CRLS1: variants seen among roughly 807,000 people sequenced by gnomAD.
CRLS1 encodes the protein cardiolipin synthase (CMP-forming).
Under a neutral mutation model 37.0 loss-of-function variants are expected in CRLS1, and 24 were observed. The ratio of observed to expected loss-of-function variants is 0.65; its 90% confidence interval spans 0.47 to 0.91. CRLS1 has a LOEUF of 0.91. Among genes scored for constraint, CRLS1 ranks in the 40% least tolerant of loss-of-function variants. CRLS1 has a pLI of 0.00. For synonymous variants in CRLS1, 135 were observed against 159.7 expected, an observed-to-expected ratio of 0.85 and a Z score of 1.17; for missense variants, 373 against 395.8, an observed-to-expected ratio of 0.94 and a Z score of 0.49.
At chr20:6,016,451 G>T (rs893802149) in intron 3 of CRLS1, among the ~76,000 whole-genome samples, 2 of 107,526 alleles carry the variant, frequency 1.9e-5, no homozygotes, top group Admixed American at 1.7e-4. Context: ...ATTGGGGAAT[G>T]GGGGTGTGTG....
At chr20:6,029,896 T>C (rs1980015985) in intron 3 of CRLS1, among the ~76,000 whole-genome samples, 1 of 152,214 alleles carries the variant, frequency 6.6e-6, no homozygotes, top group East Asian at 1.9e-4. Context: ...ACATCATAGC[T>C]ATAACAGCAG....
intron 6 of CRLS1, among the ~76,000 whole-genome samples, chr20:6,035,894 A>G (rs983791172): frequency 7.0e-6 from 1 of 142,822 alleles, no homozygotes; most frequent in African/African-American, 2.6e-5. Context: ...AACCTCTACC[A>G]CCCGGGTTCA....
rs41282950 is a variant in CRLS1, at chr20:6,031,288, C to T, written c.578C>T (p.Pro193Leu). The change falls in exon 4 of 7, where the codon CCA becomes CTA. Residue 193 changes from proline (P) to leucine (L), a missense_variant. Pro to Leu is a moderately conservative substitution (Grantham distance 98). Coordinates refer to ENST00000378863, the MANE Select transcript of CRLS1 (RefSeq NM_019095.6). ...SLTYADLIPVPLTYMIISRDV... is the reference protein window; with the variant it reads ...SLTYADLIPVLLTYMIISRDV... Reference sequence around the variant, plus strand: ...TTATTTTATGTTTGATTTTCAGTTCCACTTACTTACATGATCATTTCGAGA... The same window carrying T: ...TTATTTTATGTTTGATTTTCAGTTCTACTTACTTACATGATCATTTCGAGA... 171,223 of 1,594,306 alleles carry T rather than the reference C, an allele frequency of 0.11. 10,415 individuals are homozygous for T. Among genetic ancestry groups the T allele is most frequent in the Middle Eastern group, 0.22 (1,314 of 5,990 alleles).
chr20:6,026,584 G>A (rs908034053), intron 3 of CRLS1, among the ~76,000 whole-genome samples: 6 of 151,672 alleles, frequency 4.0e-5, no homozygotes, highest in Non-Finnish European at 8.8e-5. Context: ...TGTTTGTTTC[G>A]GCCTCTCTTT....
chr20:6,011,506 C>G (rs142649703), intron 2 of CRLS1, among the ~76,000 whole-genome samples: 1 of 144,910 alleles, frequency 6.9e-6, no homozygotes, highest in Non-Finnish European at 1.5e-5. Flanking sequence ...CAGAGTTTAG[C>G]GTCTACTAAT....
At chr20:6,024,834 A>C (rs1979549164) in intron 3 of CRLS1, among the ~76,000 whole-genome samples, 1 of 152,220 alleles carries the variant, frequency 6.6e-6, no homozygotes, top group Non-Finnish European at 1.5e-5. Flanking sequence ...TGAATAGAAG[A>C]TCACGTCAGC....
intron 3 of CRLS1, among the ~76,000 whole-genome samples, chr20:6,022,439 A>T (rs1433240303): frequency 1.3e-5 from 2 of 150,810 alleles, no homozygotes; most frequent in African/African-American, 4.9e-5. Flanking sequence ...CCCGGGCTCA[A>T]GCAGTCCTCC....
At chr20:6,027,344 CAA>C (rs1979795471) in intron 3 of CRLS1, among the ~76,000 whole-genome samples, 1 of 152,024 alleles carries the variant, frequency 6.6e-6, no homozygotes, top group African/African-American at 2.4e-5. Context: ...CTCGGCCTCC[CAA>C]AGTGCTGGGA....
At chr20:6,024,433 A>G (rs1346744008) in intron 3 of CRLS1, among the ~76,000 whole-genome samples, 1 of 152,190 alleles carries the variant, frequency 6.6e-6, no homozygotes, top group Non-Finnish European at 1.5e-5. Context: ...CCTGTTAATC[A>G]AGAGTGAACT....
chr20:6,018,317 C>G (rs1600364794), intron 3 of CRLS1, among the ~76,000 whole-genome samples: 1 of 151,388 alleles, frequency 6.6e-6, no homozygotes, highest in African/African-American at 2.4e-5. Context: ...GCGAAACTTG[C>G]TAACTTGTAT....
intron 3 of CRLS1, among the ~76,000 whole-genome samples, chr20:6,023,637 T>TG (rs111646792): frequency 0.028 from 2,155 of 76,476 alleles, 59 homozygotes; most frequent in African/African-American, 0.12. Flanking sequence ...TAAAAATCTT[T>TG]GTTTTTTTTT....
intron 3 of CRLS1, 43 bp downstream of exon 3, chr20:6,015,533 A>G (rs745605369): frequency 4.1e-5 from 65 of 1,590,482 alleles, no homozygotes; most frequent in Non-Finnish European, 5.3e-5. Context: ...ACAGGGAAGA[A>G]TGACATTAGT....
intron 1 of CRLS1, among the ~76,000 whole-genome samples, chr20:6,008,339 G>GT (rs2090087716): frequency 6.6e-6 from 1 of 152,154 alleles, no homozygotes; most frequent in Non-Finnish European, 1.5e-5. Context: ...AGGGAAAGGC[G>GT]TTTTCTTGTT....
At position 6,009,883 on chromosome 20, in the gene CRLS1, G is replaced by C. The variant is rs773004598; in HGVS notation, c.415G>C (p.Val139Leu). The change falls in exon 2 of 7, where the codon GTT becomes CTT. Residue 139 changes from valine to leucine, a missense_variant. Coordinates refer to ENST00000378863, the MANE Select transcript of CRLS1 (RefSeq NM_019095.6). ...IEEDFNIALGVFALAGLTDLL... is the reference protein window; with the variant it reads ...IEEDFNIALGLFALAGLTDLL... ...AGAAGATTTTAATATTGCACTAGGA[G>C]TTTTTGCTTTAGCTGGACTAACAGA... 8.7e-6 allele frequency: 14 copies of C among 1,613,786 alleles called. No homozygotes were observed. The Admixed American group carries it at 1.7e-4, about 19-fold the overall frequency.
In CRLS1 at chr20:6,037,847, C is replaced by T. The variant is rs577668623; in HGVS notation, c.*689C>T. On this transcript the variant is annotated 3_prime_UTR_variant, in exon 7 of 7. Transcript: ENST00000378863. ...GAGATAGGAGAACGTGTCTATTAGT[C>T]TTTGCATCTAAAAGGCAGTGAGTTA... The T allele has an allele frequency of 6.6e-6, 1 of 152,286 alleles. No homozygotes were observed. Among genetic ancestry groups the T allele is most frequent in the East Asian group, 1.9e-4 (1 of 5,182 alleles). 9.4% of individuals were successfully genotyped at this position (152,286 alleles called of 1,614,324 possible).
chr20:6,027,684 G>A (rs1191006829), intron 3 of CRLS1, among the ~76,000 whole-genome samples: 1 of 152,120 alleles, frequency 6.6e-6, no homozygotes, highest in Admixed American at 6.5e-5. Context: ...CAAAGTGCTG[G>A]GATTACAGGT....
In CRLS1 at chr20:6,006,461, CG is replaced by C; in HGVS notation, c.219del (p.Lys74ArgfsTer42). ...GIGQRNHCSG[A>X]GKAAPRPAAG... ...GGCCAGCGGAACCACTGTTCGGGCG[CG>C]GGGAAGGCGGCTCCCAGGCCAGCGG... On this transcript the variant is annotated frameshift_variant, in exon 1 of 7. Transcript: ENST00000378863. 1 of 1,402,392 alleles carries C rather than the reference CG, an allele frequency of 7.1e-7. No individual in the cohort carries two copies. Among genetic ancestry groups the C allele is most frequent in the South Asian group, 1.5e-5 (1 of 65,264 alleles). The allele number at this position is 1,402,392 out of a possible 1,614,324, so 86.9% of individuals were successfully genotyped here.
At chr20:6,027,999 A>C (rs950347364) in intron 3 of CRLS1, among the ~76,000 whole-genome samples, 2 of 152,176 alleles carry the variant, frequency 1.3e-5, no homozygotes, top group Non-Finnish European at 2.9e-5. Context: ...TCCTCTACTT[A>C]TTCTCTTTGT....
At chr20:6,012,324 C>T (rs1978387290) in intron 2 of CRLS1, among the ~76,000 whole-genome samples, 2 of 152,152 alleles carry the variant, frequency 1.3e-5, no homozygotes, top group Non-Finnish European at 2.9e-5. Context: ...GGGGGCTGAC[C>T]ATGATCCAGC....
Sources: gnomAD v4.1 joint callset for allele counts (sites outside exome capture counted in the v4.1 genomes callset) on GRCh38, gnomAD v4.1.1 for gene constraint, MANE v1.5 for transcripts, NCBI Gene and HGNC (gene_info 2026-07-23, HGNC 2026-07-21) for gene names.